The following SOD1 variants were observed in gnomAD, a reference collection of about 807,000 sequenced individuals.
The protein encoded by SOD1 is superoxide dismutase [Cu-Zn].
In SOD1, 8 loss-of-function variants were observed where a neutral mutation model predicts 15.9. The ratio of observed to expected loss-of-function variants is 0.50; its 90% CI spans 0.30 to 0.91. The LOEUF (loss-of-function observed/expected upper bound fraction) is 0.91. Ranked by LOEUF, SOD1 falls within the 40% of genes least tolerant of loss-of-function variation. The pLI, the probability that SOD1 is intolerant of heterozygous loss-of-function variation, is 0.07. For missense variants in SOD1, 137 were observed against 194.5 expected (o/e 0.70, Z 1.76); for synonymous variants, 86 against 71.2 (o/e 1.21, Z -1.04).
chr21:31,667,036 AGAGTTT>A lies in SOD1; in HGVS notation c.240-221_240-216del, dbSNP rs539706937. 1.9e-3 allele frequency: 1,132 copies of A among 590,612 alleles called. 18 individuals are homozygous for A. The highest frequency in any genetic ancestry group is 0.016 in the South Asian group (821 of 50,684). 36.6% of individuals were successfully genotyped at this position (590,612 alleles called of 1,614,324 possible). A position where few individuals can be genotyped will look rare whatever the true frequency, so the allele number is the denominator to read the frequency against. ...ATTAACAGGCATAACTCAGTAACTG[AGAGTTT>A]ACCCTTTGGTACTTCTGAAATCAGG... On this transcript the variant is annotated intron_variant, in intron 3 of 4. Transcript: ENST00000270142.
intron 1 of SOD1, 79 bp downstream of exon 1, chr21:31,659,920 T>TCC: frequency 6.7e-7 from 1 of 1,487,338 alleles, no homozygotes; most frequent in Non-Finnish European, 9.3e-7. Context: ...TAGGAGCGGG[T>TCC]CGCCCGCCAG....
At chr21:31,660,659 A>G (rs1035013165) in intron 1 of SOD1, 3 of 152,350 alleles carry the variant, frequency 2.0e-5, no homozygotes, top group Admixed American at 1.3e-4. Context: ...CTAAAAATAC[A>G]CCAGAGCCCA....
At chr21:31,665,334 ATTT>A (rs1199203640) in intron 2 of SOD1, among the ~76,000 whole-genome samples, 2 of 152,030 alleles carry the variant, frequency 1.3e-5, no homozygotes, top group Non-Finnish European at 2.9e-5. Flanking sequence ...TAATAATCTG[ATTT>A]TTTTGTTTAT....
chr21:31,668,326 A>T (rs2049616062), intron 4 of SOD1, 145 bp from the exon 5 acceptor site: 1 of 647,334 alleles, frequency 1.5e-6, no homozygotes. Context: ...TCTACTTTTA[A>T]ACTACTAAAT....
In SOD1 at chr21:31,659,762, A is replaced by C. The variant is rs1164844540; in HGVS notation, c.-8A>C. 12 of 1,613,734 alleles carry C rather than the reference A, an allele frequency of 7.4e-6. No individual in the cohort carries two copies. Among genetic ancestry groups the C allele is most frequent in the Non-Finnish European group, 1.0e-5 (12 of 1,179,848 alleles). On this transcript the variant is annotated 5_prime_UTR_variant, in exon 1 of 5. Transcript: ENST00000270142. ...CGGAACCAGGACCTCGGCGTGGCCTAGCGAGTTATGGCGACGAAGGCCGTG... is the reference window on the plus strand; with the variant it reads ...CGGAACCAGGACCTCGGCGTGGCCTCGCGAGTTATGGCGACGAAGGCCGTG...
In SOD1 at chr21:31,666,649, T is replaced by TAA. The variant is rs1439954002; in HGVS notation, c.239+133_239+134dup. ...TTGCTTTTGAACTTGCTGACTCATC[T>TAA]AAACCCCTGCTCCCAAATGCTGGAA... On this transcript the variant is annotated intron_variant, in intron 3 of 4. Coordinates refer to ENST00000270142, the MANE Select transcript of SOD1 (RefSeq NM_000454.5). 1.1e-5 allele frequency: 8 copies of TAA among 746,958 alleles called. No individual in the cohort carries two copies. The Admixed American group carries it at 1.6e-4, about 15-fold the overall frequency. The allele number at this position is 746,958 out of a possible 1,614,324, so 46.3% of individuals were successfully genotyped here.
At chr21:31,660,241 C>G (rs988919406) in intron 1 of SOD1, 3 of 152,502 alleles carry the variant, frequency 2.0e-5, no homozygotes. Flanking sequence ...CCTGAGGGTC[C>G]CGCGGACACC....
rs2049598450 is a variant in SOD1, at chr21:31,666,911, TG to T, written c.240-346del. 1.5e-5 allele frequency: 6 copies of T among 400,278 alleles called. No homozygotes were observed. In the South Asian group the frequency reaches 1.6e-4, roughly 11 times the overall value. 24.8% of individuals were successfully genotyped at this position (400,278 alleles called of 1,614,324 possible). ...AAAACTAGTCGAGACTCCATTTATA[TG>T]TGTATGTTTTCTGAAAGCCTTTCAG... On this transcript the variant is annotated intron_variant, in intron 3 of 4. Transcript: ENST00000270142.
At position 31,663,055 on chromosome 21, in the gene SOD1, A is replaced by T. The variant is rs1399524494; in HGVS notation, c.73-735A>T. On this transcript the variant is annotated intron_variant, in intron 1 of 4. Coordinates refer to ENST00000270142, the MANE Select transcript of SOD1 (RefSeq NM_000454.5). ...AAACTTATGATGGACACTTAAAAAC[A>T]CTCACTGAGTGGGGAGTGGAGAGCA... is the stretch of plus-strand genomic sequence containing the variant. Among the ~76,000 whole-genome samples the T allele has an allele frequency of 2.7e-5, 4 of 148,894 alleles. No homozygotes were observed. In the East Asian group the frequency reaches 7.9e-4, roughly 29 times the overall value.
chr21:31,662,323 A>G (rs1264672528), intron 1 of SOD1, among the ~76,000 whole-genome samples: 1 of 152,218 alleles, frequency 6.6e-6, no homozygotes, highest in East Asian at 1.9e-4. Context: ...AAAGGCAGCA[A>G]TTGCCAGGAT....
At chr21:31,663,914 A>AG in intron 2 of SOD1, 28 bp downstream of exon 2, 7 of 1,526,496 alleles carry the variant, frequency 4.6e-6, no homozygotes, top group Non-Finnish European at 6.4e-6. Context: ...CTGGTGACCC[A>AG]TACTTGTTCA....
Position 31,659,756 on chromosome 21 carries a change from T to A in SOD1, c.-14T>A, listed in dbSNP as rs2049530470. 22 of 1,613,712 alleles carry A rather than the reference T, an allele frequency of 1.4e-5. No homozygotes were observed. Among genetic ancestry groups the A allele is most frequent in the Non-Finnish European group, 1.8e-5 (21 of 1,179,840 alleles). On this transcript the variant is annotated 5_prime_UTR_variant, in exon 1 of 5. Coordinates refer to ENST00000270142, the MANE Select transcript of SOD1 (RefSeq NM_000454.5). ...AGTCCTCGGAACCAGGACCTCGGCG[T>A]GGCCTAGCGAGTTATGGCGACGAAG...
chr21:31,667,439 TTTGA>T lies in SOD1; in HGVS notation c.357+68_357+71del, dbSNP rs534860517. On this transcript the variant is annotated intron_variant, in intron 4 of 4. Coordinates refer to ENST00000270142, the MANE Select transcript of SOD1 (RefSeq NM_000454.5). ...AACATACAGTCATGTATCTTTTCAC[TTTGA>T]TTGTTAGTCGCGGTTTCTAAAGATC... The T allele has an allele frequency of 8.3e-4, 980 of 1,183,790 alleles. 2 individuals are homozygous for T. The highest frequency in any genetic ancestry group is 8.8e-4 in the Non-Finnish European group (694 of 789,058). The allele number at this position is 1,183,790 out of a possible 1,614,324, so 73.3% of individuals were successfully genotyped here.
intron 3 of SOD1, chr21:31,666,854 G>C (rs992770112): frequency 2.5e-6 from 1 of 402,750 alleles, no homozygotes; most frequent in Non-Finnish European, 4.5e-6. Context: ...AACATAGGAA[G>C]CTTCTGTAGA....
intron 4 of SOD1, among the ~76,000 whole-genome samples, chr21:31,667,859 A>G (rs2123436211): frequency 6.6e-6 from 1 of 152,304 alleles, no homozygotes. Flanking sequence ...CACCAAGTAG[A>G]CAGGCTCTCT....
rs1357626638 is a variant in SOD1, at chr21:31,659,743, C to G, written c.-27C>G. Reference sequence around the variant, plus strand: ...GGGTTTCCGTTGCAGTCCTCGGAACCAGGACCTCGGCGTGGCCTAGCGAGT... The same window carrying G: ...GGGTTTCCGTTGCAGTCCTCGGAACGAGGACCTCGGCGTGGCCTAGCGAGT... On this transcript the variant is annotated 5_prime_UTR_variant, in exon 1 of 5. Coordinates refer to ENST00000270142, the MANE Select transcript of SOD1 (RefSeq NM_000454.5). 1.2e-6 allele frequency: 2 copies of G among 1,613,436 alleles called. No homozygotes were observed. Among genetic ancestry groups the G allele is most frequent in the Non-Finnish European group, 1.7e-6 (2 of 1,179,512 alleles).
chr21:31,668,085 G>A (rs1428564608), intron 4 of SOD1, among the ~76,000 whole-genome samples: 5 of 152,042 alleles, frequency 3.3e-5, no homozygotes, highest in Non-Finnish European at 5.9e-5. Context: ...GAAATTTTGA[G>A]TTTTATTCAC....
At chr21:31,666,417 A>C in intron 2 of SOD1, 32 bp from the exon 3 acceptor site, 1 of 1,534,906 alleles carries the variant, frequency 6.5e-7, no homozygotes. Context: ...TTAATTCATA[A>C]TTTAGCTTTT....
intron 1 of SOD1, among the ~76,000 whole-genome samples, chr21:31,662,446 CAT>C (rs1601155408): frequency 6.6e-6 from 1 of 152,322 alleles, no homozygotes; most frequent in East Asian, 1.9e-4. Context: ...GAGACACTGA[CAT>C]GTTGTATGAC....
Sources: allele counts gnomAD v4.1 joint callset (sites outside exome capture counted in the v4.1 genomes callset), GRCh38; gene constraint gnomAD v4.1.1; transcripts MANE v1.5; gene names NCBI Gene and HGNC (gene_info 2026-07-23, HGNC 2026-07-21).